The following ZNF264 variants were observed in gnomAD, a reference collection of about 807,000 sequenced individuals.
The protein encoded by ZNF264 is zinc finger protein 264.
Under a neutral mutation model 11.2 loss-of-function variants are expected in ZNF264, and 11 were observed. That is an observed-to-expected ratio of 0.98 (90% CI 0.62 to 1.63). ZNF264 has a LOEUF of 1.63. Ranked by LOEUF, ZNF264 falls within the 40% of genes most tolerant of loss-of-function variation. The pLI is 0.00. For synonymous variants in ZNF264, 309 were observed against 279.8 expected, an observed-to-expected ratio of 1.10 and a Z score of -1.04; for missense variants, 752 against 768.1, an observed-to-expected ratio of 0.98 and a Z score of 0.25.
chr19:57,202,682 G>C (rs1187199156), intron 2 of ZNF264, among the ~76,000 whole-genome samples: 1 of 151,852 alleles, frequency 6.6e-6, no homozygotes, highest in Non-Finnish European at 1.5e-5. Flanking sequence ...TGGAAGCTCT[G>C]TGCCCCTTCC....
chr19:57,211,403 C>T lies in ZNF264; in HGVS notation c.306C>T (p.Ala102=). ...CAGAACCTACCACTTGTGAGCCAGC[C>T]TTGTCAGAGGGAATCTCACTTCAGG... ...KTTEPTTCEP[A]LSEGISLQGQ... Residue 102 remains alanine, a synonymous_variant, in exon 4 of 4, where the codon GCC becomes GCT. Transcript: ENST00000263095. 1 of 1,614,096 alleles carries T rather than the reference C, an allele frequency of 6.2e-7. No individual in the cohort carries two copies. Among genetic ancestry groups the T allele is most frequent in the Non-Finnish European group, 8.5e-7 (1 of 1,179,990 alleles).
chr19:57,209,206 A>AT (rs574421661), intron 3 of ZNF264, among the ~76,000 whole-genome samples: 1 of 151,984 alleles, frequency 6.6e-6, no homozygotes, highest in Non-Finnish European at 1.5e-5. Flanking sequence ...ATAATTAATG[A>AT]TTTTTTTGTC....
intron 3 of ZNF264, 57 bp from the exon 4 acceptor site, chr19:57,211,297 C>A: frequency 2.1e-6 from 3 of 1,447,618 alleles, no homozygotes; most frequent in Non-Finnish European, 2.8e-6. Flanking sequence ...TGGTAATATT[C>A]TTTTTTCCAT....
In ZNF264 at chr19:57,217,103, A is replaced by G. The variant is rs1019941579; in HGVS notation, c.*4122A>G. On this transcript the variant is annotated 3_prime_UTR_variant, in exon 4 of 4. Coordinates refer to ENST00000263095, the MANE Select transcript of ZNF264 (RefSeq NM_003417.5). ...TCATCTAACACAAGGCCTACTTTAT[A>G]ATAAAGTTACTGCAAAGAATTTTAA... 6.6e-6 allele frequency: 1 copy of G among 152,154 alleles called. No individual in the cohort carries two copies. Among genetic ancestry groups the G allele is most frequent in the Non-Finnish European group, 1.5e-5 (1 of 68,034 alleles). The allele number at this position is 152,154 out of a possible 1,614,324, so 9.4% of individuals were successfully genotyped here.
intron 3 of ZNF264, among the ~76,000 whole-genome samples, chr19:57,207,535 T>G (rs1019460370): frequency 6.6e-6 from 1 of 150,808 alleles, no homozygotes; most frequent in Non-Finnish European, 1.5e-5. Flanking sequence ...TGTTTCTTCT[T>G]TTTTCTTTTC....
At chr19:57,194,082 A>C (rs2087195170) in intron 2 of ZNF264, 81 bp downstream of exon 2, 19 of 1,519,358 alleles carry the variant, frequency 1.3e-5, no homozygotes, top group Non-Finnish European at 1.7e-5. Flanking sequence ...GCCTGGCTGC[A>C]CAAGAAGGCC....
In ZNF264 at chr19:57,217,858, C is replaced by A. The variant is rs1402205408; in HGVS notation, c.*4877C>A. On this transcript the variant is annotated 3_prime_UTR_variant, in exon 4 of 4. Transcript: ENST00000263095. The stretch of plus-strand genomic sequence containing the variant: ...CCAGGCTGGAGTGCAGTGGCACGAT[C>A]TTGGCTCACTGCAACCTCCGCCTCC... The A allele has an allele frequency of 7.2e-6, 1 of 139,094 alleles. No individual in the cohort carries two copies. The highest frequency in any genetic ancestry group is 2.8e-5 in the African/African-American group (1 of 36,236). 8.6% of individuals were successfully genotyped at this position (139,094 alleles called of 1,614,324 possible).
chr19:57,212,811 G>A lies in ZNF264; in HGVS notation c.1714G>A (p.Val572Met). Residue 572 changes from valine (V) to methionine (M), a missense_variant, in exon 4 of 4, where the codon GTG becomes ATG. Physicochemically the swap from Val to Met is conservative, Grantham distance 21. Coordinates refer to ENST00000263095, the MANE Select transcript of ZNF264 (RefSeq NM_003417.5). Reference protein sequence around the residue: ...TGKNPISVTDVGRPFTSGQTS... With the variant: ...TGKNPISVTDMGRPFTSGQTS... Reference sequence around the variant, plus strand: ...GAAAAATCCCATCAGTGTAACAGATGTGGGAAGACCTTTTACAAGTGGACA... The same window carrying A: ...GAAAAATCCCATCAGTGTAACAGATATGGGAAGACCTTTTACAAGTGGACA... 6.2e-7 allele frequency: 1 copy of A among 1,614,206 alleles called. No homozygotes were observed.
At position 57,211,941 on chromosome 19, in the gene ZNF264, A is replaced by G. The variant is rs1439205405; in HGVS notation, c.844A>G (p.Ser282Gly). The G allele has an allele frequency of 3.1e-6, 5 of 1,614,118 alleles. No individual in the cohort carries two copies. The highest frequency in any genetic ancestry group is 1.3e-5 in the African/African-American group (1 of 75,010). Residue 282 changes from serine to glycine, a missense_variant, in exon 4 of 4, where the codon AGT becomes GGT. Transcript: ENST00000263095. ...SYLTQHQRIHSGEKPYKCNEC... is the reference protein window; with the variant it reads ...SYLTQHQRIHGGEKPYKCNEC... ...CCTTACCCAGCACCAGCGGATTCAC[A>G]GTGGAGAGAAGCCTTACAAGTGCAA...
At chr19:57,211,131 G>A (rs182689969) in intron 3 of ZNF264, among the ~76,000 whole-genome samples, 8 of 152,220 alleles carry the variant, frequency 5.3e-5, no homozygotes, top group African/African-American at 1.4e-4. Flanking sequence ...ACGAACAGAC[G>A]CATTGTCTCC....
rs774341879 is a variant in ZNF264, at chr19:57,212,011, A to G, written c.914A>G (p.His305Arg). Residue 305 changes from histidine to arginine, a missense_variant, in exon 4 of 4, where the codon CAT becomes CGT. Transcript: ENST00000263095. ...ACCCACCGCTCCAATTTTGTCTTGC[A>G]TAACAGGAGACACACTGGAGAAAAA... is the stretch of plus-strand genomic sequence containing the variant. ...AFTHRSNFVL[H>R]NRRHTGEKSF... 6 of 1,613,992 alleles carry G rather than the reference A, an allele frequency of 3.7e-6. No individual in the cohort carries two copies. The highest frequency in any genetic ancestry group is 1.3e-5 in the African/African-American group (1 of 74,898).
intron 2 of ZNF264, among the ~76,000 whole-genome samples, chr19:57,200,212 A>T (rs1002493659): frequency 6.6e-6 from 1 of 151,774 alleles, no homozygotes; most frequent in African/African-American, 2.4e-5. Context: ...CCAGGTGTCT[A>T]CTGTTAAAGT....
At chr19:57,194,593 TC>T (rs2087198792) in intron 2 of ZNF264, among the ~76,000 whole-genome samples, 2 of 152,210 alleles carry the variant, frequency 1.3e-5, no homozygotes, top group African/African-American at 4.8e-5. Flanking sequence ...GCAGGAAGCA[TC>T]CAGCATGGGA....
Position 57,215,314 on chromosome 19 carries a change from A to C in ZNF264, c.*2333A>C, listed in dbSNP as rs1281507522. Reference sequence around the variant, plus strand: ...GTCTGTCCTGTTGAAGGAATATTTCATCTGTATTTGTAGCACTCCCTTATT... The same window carrying C: ...GTCTGTCCTGTTGAAGGAATATTTCCTCTGTATTTGTAGCACTCCCTTATT... On this transcript the variant is annotated 3_prime_UTR_variant, in exon 4 of 4. Coordinates refer to ENST00000263095, the MANE Select transcript of ZNF264 (RefSeq NM_003417.5). 1 of 152,134 alleles carries C rather than the reference A, an allele frequency of 6.6e-6. No individual in the cohort carries two copies. The highest frequency in any genetic ancestry group is 1.5e-5 in the Non-Finnish European group (1 of 68,014). 9.4% of individuals were successfully genotyped at this position (152,134 alleles called of 1,614,324 possible).
rs2087344144 is a variant in ZNF264 at position 57,212,277 on chromosome 19, A to G, written c.1180A>G (p.Thr394Ala). ...AALIHHYVIH[T>A]GEKPFECLEC... ...CCTGATTCACCACTATGTCATCCAC[A>G]CTGGAGAGAAGCCCTTTGAGTGCCT... The change falls in exon 4 of 4, where the codon ACT becomes GCT. Residue 394 changes from threonine to alanine, a missense_variant. Transcript: ENST00000263095. 6.2e-7 allele frequency: 1 copy of G among 1,613,948 alleles called. No individual in the cohort carries two copies. Among genetic ancestry groups the G allele is most frequent in the African/African-American group, 1.3e-5 (1 of 74,884 alleles).
chr19:57,197,638 A>G (rs971349853), intron 2 of ZNF264, among the ~76,000 whole-genome samples: 4 of 151,950 alleles, frequency 2.6e-5, no homozygotes, highest in Non-Finnish European at 2.9e-5. Context: ...ACTGGCAGCC[A>G]TTTGGGTCAC....
chr19:57,221,234 A>C lies in ZNF264; in HGVS notation c.*8253A>C, dbSNP rs2087414908. The stretch of plus-strand genomic sequence containing the variant: ...CCCAGCTAATTTTTGTATTTTTAGT[A>C]GTAGTGGGATTTCACCATGTTGGCC... On this transcript the variant is annotated 3_prime_UTR_variant, in exon 4 of 4. Coordinates refer to ENST00000263095, the MANE Select transcript of ZNF264 (RefSeq NM_003417.5). The C allele has an allele frequency of 6.6e-6, 1 of 151,778 alleles. No individual in the cohort carries two copies. Among genetic ancestry groups the C allele is most frequent in the Non-Finnish European group, 1.5e-5 (1 of 68,008 alleles). 9.4% of individuals were successfully genotyped at this position (151,778 alleles called of 1,614,324 possible).
intron 2 of ZNF264, among the ~76,000 whole-genome samples, chr19:57,197,539 G>A (rs2122738105): frequency 6.6e-6 from 1 of 151,988 alleles, no homozygotes; most frequent in East Asian, 1.9e-4. Context: ...GGATCTGCTG[G>A]GTCTTAGGGG....
rs916347598 is a variant in ZNF264 at position 57,213,672 on chromosome 19, C to T, written c.*691C>T. ...ATTCTTCTTTGCTCTTATTTAAAATCGACAGCATTTCTAGTTCCTTTGACA... is the reference window on the plus strand; with the variant it reads ...ATTCTTCTTTGCTCTTATTTAAAATTGACAGCATTTCTAGTTCCTTTGACA... On this transcript the variant is annotated 3_prime_UTR_variant, in exon 4 of 4. Transcript: ENST00000263095. The T allele has an allele frequency of 6.6e-5, 10 of 152,090 alleles. No homozygotes were observed. Among genetic ancestry groups the T allele is most frequent in the Admixed American group, 2.6e-4 (4 of 15,260 alleles). 9.4% of individuals were successfully genotyped at this position (152,090 alleles called of 1,614,324 possible). A position where few individuals can be genotyped will look rare whatever the true frequency, so the allele number is the denominator to read the frequency against.
Sources: allele counts gnomAD v4.1 joint callset (sites outside exome capture counted in the v4.1 genomes callset), GRCh38; gene constraint gnomAD v4.1.1; transcripts MANE v1.5; gene names NCBI Gene and HGNC (gene_info 2026-07-23, HGNC 2026-07-21).